The following FHL5 variants were observed in gnomAD, a reference collection of about 807,000 sequenced individuals.
The protein encoded by FHL5 is four and a half LIM domains protein 5.
FHL5 carries 33 observed loss-of-function variants against 32.0 expected under a neutral mutation model. The ratio of observed to expected loss-of-function variants is 1.03; its 90% CI spans 0.78 to 1.38. The LOEUF (loss-of-function observed/expected upper bound fraction) is 1.38. FHL5 is among the 40% of genes most tolerant of loss of function. The pLI is 0.00. For missense variants in FHL5, 336 were observed against 343.9 expected, an observed-to-expected ratio of 0.98 and a Z score of 0.18; for synonymous variants, 114 against 113.6, an observed-to-expected ratio of 1.00 and a Z score of -0.02.
In FHL5 at chr6:96,605,939, T is replaced by A; in HGVS notation, c.372T>A (p.His124Gln). 2.5e-6 allele frequency: 4 copies of A among 1,614,108 alleles called. No individual in the cohort carries two copies. The South Asian group carries it at 4.4e-5, about 18-fold the overall frequency. ...TGGAATTTAAGGGAAACTACTGGCA[T>A]GAAACCTGTTTTGTGTGTGAGAATT... Reference protein sequence around the residue: ...RKMEFKGNYWHETCFVCENCR... With the variant: ...RKMEFKGNYWQETCFVCENCR... The change falls in exon 4 of 6, where the codon CAT becomes CAA. Residue 124 changes from histidine to glutamine, a missense_variant. By Grantham distance (24) the His-to-Gln change is conservative (BLOSUM62 0). Transcript: ENST00000450218.
intron 1 of FHL5, among the ~76,000 whole-genome samples, chr6:96,566,444 G>A (rs1374751514): frequency 6.6e-6 from 1 of 151,890 alleles, no homozygotes; most frequent in Non-Finnish European, 1.5e-5. Flanking sequence ...TGTGTTGTGA[G>A]TAGTGCTGCA....
chr6:96,602,378 T>G, intron 1 of FHL5, among the ~76,000 whole-genome samples: 1 of 147,038 alleles, frequency 6.8e-6, no homozygotes, highest in African/African-American at 2.5e-5. Context: ...CAACAAAGAA[T>G]TCATGTTCAA....
Position 96,603,764 on chromosome 6 carries a change from G to C in FHL5, c.151G>C (p.Asp51His). 1 of 1,608,380 alleles carries C rather than the reference G, an allele frequency of 6.2e-7. No homozygotes were observed. The highest frequency in any genetic ancestry group is 8.5e-7 in the Non-Finnish European group (1 of 1,177,534). ...CEECKKPIES[D>H]SKDLCYKDRH... Reference sequence around the variant, plus strand: ...GGAATGCAAAAAACCAATTGAATCTGATTCTAAGGTAAGTCTCACCTCAAT... The same window carrying C: ...GGAATGCAAAAAACCAATTGAATCTCATTCTAAGGTAAGTCTCACCTCAAT... Residue 51 changes from aspartate to histidine, a missense_variant, in exon 2 of 6, where the codon GAT becomes CAT. Transcript: ENST00000450218.
chr6:96,568,115 C>T (rs528878416), intron 1 of FHL5, among the ~76,000 whole-genome samples: 2 of 151,900 alleles, frequency 1.3e-5, no homozygotes, highest in South Asian at 4.1e-4. Flanking sequence ...GTGGGTTTGT[C>T]ATACATGGCT....
At chr6:96,568,764 A>G (rs986821475) in intron 1 of FHL5, among the ~76,000 whole-genome samples, 1 of 151,768 alleles carries the variant, frequency 6.6e-6, no homozygotes, top group Non-Finnish European at 1.5e-5. Context: ...GCTGTTTATA[A>G]TAGTCTCTGA....
intron 1 of FHL5, among the ~76,000 whole-genome samples, chr6:96,575,203 T>C (rs550815901): frequency 1.3e-5 from 2 of 152,302 alleles, no homozygotes; most frequent in Admixed American, 6.5e-5. Context: ...CGTCTCTCAA[T>C]ACACATACAC....
rs188634776 is a variant in FHL5 at position 96,616,880 on chromosome 6, G to A, written c.*1108G>A. On this transcript the variant is annotated 3_prime_UTR_variant, in exon 6 of 6. Transcript: ENST00000450218. Reference sequence around the variant, plus strand: ...AGAACCTGCAAAGCAGCACAATAGAGTAATGTGGGCTGTAGGCGAGCCCTC... The same window carrying A: ...AGAACCTGCAAAGCAGCACAATAGAATAATGTGGGCTGTAGGCGAGCCCTC... 1.5e-4 allele frequency among the ~76,000 whole-genome samples: 23 copies of A among 152,068 alleles called. No homozygotes were observed. The East Asian group carries it at 4.5e-3, about 29-fold the overall frequency.
chr6:96,590,417 T>C (rs1388920689), intron 1 of FHL5, among the ~76,000 whole-genome samples: 2 of 151,890 alleles, frequency 1.3e-5, no homozygotes, highest in African/African-American at 4.8e-5. Flanking sequence ...TTCATTTCAC[T>C]GTTTGTTATT....
chr6:96,571,077 T>G (rs1753089517), intron 1 of FHL5, among the ~76,000 whole-genome samples: 1 of 152,194 alleles, frequency 6.6e-6, no homozygotes, highest in South Asian at 2.1e-4. Flanking sequence ...ATGTTTCTTG[T>G]GTCCCTGCAT....
At chr6:96,587,009 C>T (rs529761945) in intron 1 of FHL5, among the ~76,000 whole-genome samples, 2 of 152,272 alleles carry the variant, frequency 1.3e-5, no homozygotes, top group South Asian at 2.1e-4. Flanking sequence ...CTCCAAGAGA[C>T]GGAAGTGGTC....
intron 4 of FHL5, among the ~76,000 whole-genome samples, chr6:96,608,379 T>C (rs9373978): frequency 0.16 from 23,732 of 152,196 alleles, 2,033 homozygotes; most frequent in Middle Eastern, 0.25. Flanking sequence ...GATTATTTTT[T>C]ATTTAGTTTT....
In FHL5 at chr6:96,605,883, C is replaced by T; in HGVS notation, c.335-19C>T. On this transcript the variant is annotated intron_variant, in intron 3 of 5. Transcript: ENST00000450218. ...TTATGCTTGACTTATACTAACATGG[C>T]CTTACTTTTGGAGTACAGGTTCCCG... 6.2e-7 allele frequency: 1 copy of T among 1,608,878 alleles called. No individual in the cohort carries two copies. Among genetic ancestry groups the T allele is most frequent in the East Asian group, 2.2e-5 (1 of 44,808 alleles).
intron 1 of FHL5, among the ~76,000 whole-genome samples, chr6:96,602,595 G>A (rs1382848991): frequency 6.6e-6 from 1 of 151,586 alleles, no homozygotes; most frequent in Admixed American, 6.6e-5. Flanking sequence ...TACAGGCTGT[G>A]CATTGTTTCT....
chr6:96,582,929 C>T (rs1259356963), intron 1 of FHL5, among the ~76,000 whole-genome samples: 1 of 152,144 alleles, frequency 6.6e-6, no homozygotes, highest in Non-Finnish European at 1.5e-5. Context: ...ACACCTACAA[C>T]TGACTTACCC....
chr6:96,606,157 T>C (rs547354093), intron 4 of FHL5, 86 bp downstream of exon 4: 2 of 1,123,864 alleles, frequency 1.8e-6, no homozygotes, highest in South Asian at 1.5e-5. Flanking sequence ...ACTGATACTA[T>C]TATGTTATAT....
intron 1 of FHL5, among the ~76,000 whole-genome samples, chr6:96,582,818 T>A (rs1461327764): frequency 1.3e-5 from 2 of 152,146 alleles, no homozygotes; most frequent in African/African-American, 2.4e-5. Context: ...TTTGTTGAGT[T>A]TTTTTTAAGT....
intron 1 of FHL5, among the ~76,000 whole-genome samples, chr6:96,584,451 G>GTGTT (rs1648450208): frequency 6.7e-6 from 1 of 148,616 alleles, no homozygotes; most frequent in Admixed American, 6.7e-5. Flanking sequence ...GTGTGTGTGT[G>GTGTT]TGTGTGTGTT....
intron 1 of FHL5, among the ~76,000 whole-genome samples, chr6:96,583,752 A>C (rs1176793605): frequency 6.6e-6 from 1 of 152,104 alleles, no homozygotes; most frequent in Admixed American, 6.6e-5. Flanking sequence ...TCACAGAAAA[A>C]GTAAAAAACT....
chr6:96,573,529 T>C (rs1005313431), intron 1 of FHL5, among the ~76,000 whole-genome samples: 1 of 124,976 alleles, frequency 8.0e-6, no homozygotes, highest in African/African-American at 3.4e-5. Context: ...ATATTCTAAT[T>C]TTTTTTTTTT....
Sources: allele counts gnomAD v4.1 joint callset (sites outside exome capture counted in the v4.1 genomes callset), GRCh38; gene constraint gnomAD v4.1.1; transcripts MANE v1.5; gene names NCBI Gene and HGNC (gene_info 2026-07-23, HGNC 2026-07-21).